Variants in KLHL12 observed in about 807,000 individuals in gnomAD.
KLHL12 encodes kelch like family member 12, also known as kelch-like protein 12.
In KLHL12, 17 loss-of-function variants were observed where a neutral mutation model predicts 60.8. That is an observed-to-expected ratio of 0.28 (90% CI 0.19 to 0.42). KLHL12 has a LOEUF of 0.42. Ranked by LOEUF, KLHL12 falls within the 10% of genes least tolerant of loss-of-function variation. KLHL12 has a pLI of 1.00. For missense variants in KLHL12, 468 were observed against 722.3 expected (o/e 0.65, Z 4.04); for synonymous variants, 220 against 250.9 (o/e 0.88, Z 1.16).
At chr1:202,911,292 G>A (rs1660347435) in intron 4 of KLHL12, 89 bp from the exon 5 acceptor site, 2 of 1,389,096 alleles carry the variant, frequency 1.4e-6, no homozygotes, top group African/African-American at 1.4e-5. Flanking sequence ...TTTCCTTCCT[G>A]CTTCCCATTG....
intron 6 of KLHL12, among the ~76,000 whole-genome samples, chr1:202,903,616 A>AT (rs772389361): frequency 6.2e-5 from 2 of 32,370 alleles, no homozygotes; most frequent in East Asian, 1.3e-3. Flanking sequence ...GGGACCACTA[A>AT]TTTTTTTCTT....
At chr1:202,899,292 A>G (rs935863962) in intron 6 of KLHL12, among the ~76,000 whole-genome samples, 1 of 152,220 alleles carries the variant, frequency 6.6e-6, no homozygotes, top group African/African-American at 2.4e-5. Context: ...AGCCTGGGCA[A>G]TAAGGCAAAA....
intron 6 of KLHL12, among the ~76,000 whole-genome samples, chr1:202,903,922 C>T (rs1248056796): frequency 6.6e-6 from 1 of 151,892 alleles, no homozygotes; most frequent in Non-Finnish European, 1.5e-5. Context: ...TTGGCCCTGT[C>T]TCATGCATTC....
rs1352275933 is a variant in KLHL12 at position 202,894,196 on chromosome 1, T to C, written c.1381A>G (p.Thr461Ala). 2 of 1,551,084 alleles carry C rather than the reference T, an allele frequency of 1.3e-6. No homozygotes were observed. Among genetic ancestry groups the C allele is most frequent in the South Asian group, 1.2e-5 (1 of 84,204 alleles). ...GATCTGGTCTTACCAGAACGCTTGGTGGCCATTGGTGTAACATTAGTCCAA... is the reference window on the plus strand; with the variant it reads ...GATCTGGTCTTACCAGAACGCTTGGCGGCCATTGGTGTAACATTAGTCCAA... Reference protein sequence around the residue: ...GHWTNVTPMATKRSGAGVALL... With the variant: ...GHWTNVTPMAAKRSGAGVALL... The change falls in exon 10 of 12, where the codon ACC becomes GCC. Residue 461 changes from threonine (T) to alanine (A), a missense_variant. Transcript: ENST00000367261.
rs373543513 is a variant in KLHL12, at chr1:202,895,754, G to C, written c.940-37C>G. 5 of 1,568,036 alleles carry C rather than the reference G, an allele frequency of 3.2e-6. No individual in the cohort carries two copies. The highest frequency in any genetic ancestry group is 4.4e-6 in the Non-Finnish European group (5 of 1,144,486). ...GAGAGAAGAGGTACAGAGCATTTCA[G>C]TTAGGCAAGTTTTGGGCCTTACCTT... On this transcript the variant is annotated intron_variant, in intron 7 of 11. Transcript: ENST00000367261. This position sits in a 1 kb window ranked among gnomAD's most constrained non-coding sequence, Gnocchi z 4.2.
At chr1:202,901,658 T>C (rs1557988839) in intron 6 of KLHL12, among the ~76,000 whole-genome samples, 3 of 152,064 alleles carry the variant, frequency 2.0e-5, no homozygotes, top group African/African-American at 7.2e-5. Context: ...ATTCCCAAAC[T>C]TCTTTGCTGT....
chr1:202,895,629 A>G lies in KLHL12; in HGVS notation c.1028T>C (p.Leu343Pro). Residue 343 changes from leucine (L) to proline (P), a missense_variant, in exon 8 of 12, where the codon CTT (leucine) becomes CCT (proline). By Grantham distance (98) the Leu-to-Pro change is moderately conservative. Transcript: ENST00000367261. The surrounding 1 kb of genome is among the most constrained non-coding windows in gnomAD (Gnocchi z 4.2). ...GTAGTCTAGACATTCCACTGAACTA[A>G]GGCGGGAACGGCCATCATAGCCACC... ...VIGGYDGRSR[L>P]SSVECLDYTA... The G allele has an allele frequency of 6.2e-7, 1 of 1,614,128 alleles. No homozygotes were observed. The highest frequency in any genetic ancestry group is 8.5e-7 in the Non-Finnish European group (1 of 1,180,012).
intron 6 of KLHL12, among the ~76,000 whole-genome samples, chr1:202,907,292 T>G (rs566987862): frequency 6.6e-6 from 1 of 152,328 alleles, no homozygotes; most frequent in Non-Finnish European, 1.5e-5. Flanking sequence ...CATGCAGTAC[T>G]TATGCCATTA....
chr1:202,894,816 A>G, intron 8 of KLHL12, 67 bp from the exon 9 acceptor site: 2 of 1,378,440 alleles, frequency 1.5e-6, no homozygotes, highest in Non-Finnish European at 2.0e-6. Flanking sequence ...TTTCCTCTAC[A>G]AATTTTCCAA....
intron 10 of KLHL12, 25 bp downstream of exon 10, chr1:202,894,159 T>G (rs1459585579): frequency 1.5e-6 from 2 of 1,353,914 alleles, no homozygotes; most frequent in Non-Finnish European, 2.1e-6. Flanking sequence ...TCGCCTATTG[T>G]CCCCTCCCTC....
At chr1:202,918,030 G>T in intron 4 of KLHL12, 141 bp downstream of exon 4, 1 of 662,210 alleles carries the variant, frequency 1.5e-6, no homozygotes. Flanking sequence ...AAATAAATTT[G>T]GTACAGGAGG....
In KLHL12 at chr1:202,911,041, T is replaced by A. The variant is rs755130710; in HGVS notation, c.717+13A>T. 6.2e-7 allele frequency: 1 copy of A among 1,613,450 alleles called. No homozygotes were observed. Among genetic ancestry groups the A allele is most frequent in the Non-Finnish European group, 8.5e-7 (1 of 1,179,628 alleles). Reference sequence around the variant, plus strand: ...GTCAAGGTTTTGGATCCTGAGAGTGTTGCACTACTTACCTCAGCATCTATT... The same window carrying A: ...GTCAAGGTTTTGGATCCTGAGAGTGATGCACTACTTACCTCAGCATCTATT... On this transcript the variant is annotated intron_variant, in intron 5 of 11. Transcript: ENST00000367261.
Position 202,893,944 on chromosome 1 carries a change from T to C in KLHL12, c.1393+240A>G, listed in dbSNP as rs1424705797. The stretch of plus-strand genomic sequence containing the variant: ...TTAAGCATGTACTACACAGGCAAAA[T>C]TGTACTAGATATTCTAAAACGTAGG... On this transcript the variant is annotated intron_variant, in intron 10 of 11. Coordinates refer to ENST00000367261, the MANE Select transcript of KLHL12 (RefSeq NM_021633.4). This position sits in a 1 kb window ranked among gnomAD's most constrained non-coding sequence, Gnocchi z 4.1. Among the ~76,000 whole-genome samples the C allele has an allele frequency of 6.6e-6, 1 of 152,228 alleles. No homozygotes were observed. The highest frequency in any genetic ancestry group is 1.9e-4 in the East Asian group (1 of 5,202).
chr1:202,909,636 C>T lies in KLHL12; in HGVS notation c.718-512G>A, dbSNP rs1471257251. Among the ~76,000 whole-genome samples, 2 of 152,184 alleles carry T rather than the reference C, an allele frequency of 1.3e-5. No homozygotes were observed. Among genetic ancestry groups the T allele is most frequent in the East Asian group, 1.9e-4 (1 of 5,200 alleles). ...CATCTTTCATTTGCCTCCCAACTCA[C>T]TCTGTACCTTTTTCCACTCTGCTCT... On this transcript the variant is annotated intron_variant, in intron 5 of 11. Transcript: ENST00000367261. This position sits in a 1 kb window ranked among gnomAD's most constrained non-coding sequence, Gnocchi z 4.1.
intron 6 of KLHL12, among the ~76,000 whole-genome samples, chr1:202,899,345 T>C (rs1348609039): frequency 2.0e-5 from 3 of 152,110 alleles, no homozygotes; most frequent in Admixed American, 6.6e-5. Flanking sequence ...ATTGTTAAAA[T>C]TGAGTGATGG....
chr1:202,915,917 G>C (rs1158831919), intron 4 of KLHL12, among the ~76,000 whole-genome samples: 1 of 152,252 alleles, frequency 6.6e-6, no homozygotes, highest in Non-Finnish European at 1.5e-5. Context: ...CACACAGTAA[G>C]TGTTCAACAA....
intron 2 of KLHL12, among the ~76,000 whole-genome samples, chr1:202,922,535 G>A (rs1660727450): frequency 6.6e-6 from 1 of 150,498 alleles, no homozygotes; most frequent in Admixed American, 6.6e-5. Flanking sequence ...CACCCAGGCT[G>A]GAGTGCAGTG....
intron 6 of KLHL12, among the ~76,000 whole-genome samples, chr1:202,902,741 G>A (rs373564360): frequency 4.6e-5 from 7 of 152,144 alleles, no homozygotes; most frequent in Admixed American, 3.9e-4. Flanking sequence ...TGTAACCCTA[G>A]CACTTTGGGA....
At position 202,910,656 on chromosome 1, in the gene KLHL12, T is replaced by C. The variant is rs907666555; in HGVS notation, c.717+398A>G. 3.3e-5 allele frequency among the ~76,000 whole-genome samples: 5 copies of C among 152,296 alleles called. No individual in the cohort carries two copies. The South Asian group carries it at 8.3e-4, about 25-fold the overall frequency. ...GATATGATTAAAGTTGACACTAAAA[T>C]GCATCAAACTCCTTTCATGCTGGCT... On this transcript the variant is annotated intron_variant, in intron 5 of 11. Transcript: ENST00000367261.
Sources: allele counts gnomAD v4.1 joint callset (sites outside exome capture counted in the v4.1 genomes callset), GRCh38; gene constraint gnomAD v4.1.1; non-coding constraint Gnocchi (gnomAD v3.1); transcripts MANE v1.5; gene names NCBI Gene and HGNC (gene_info 2026-07-23, HGNC 2026-07-21).